The following FHIT variants were observed in gnomAD, a reference collection of about 807,000 sequenced individuals.
The protein encoded by FHIT is fragile histidine triad diadenosine triphosphatase.
A neutral mutation model predicts 17.9 loss-of-function variants in FHIT; 19 were observed. The observed-to-expected ratio is 1.06, with a 90% CI of 0.74 to 1.56. The LOEUF is 1.56. Ranked by LOEUF, FHIT falls within the 40% of genes most tolerant of loss-of-function variation. The probability of loss-of-function intolerance (pLI) is 0.00; values close to 1 mark genes in which losing one functional copy is unlikely to be tolerated. For missense variants in FHIT, 248 were observed against 189.2 expected (o/e 1.31, Z -1.82); for synonymous variants, 81 against 69.7 (o/e 1.16, Z -0.81).
intron 5 of FHIT, among the ~76,000 whole-genome samples, chr3:60,423,502 A>G (rs1197998934): frequency 1.3e-5 from 2 of 151,936 alleles, no homozygotes; most frequent in African/African-American, 4.8e-5. Context: ...TCTGATTGAT[A>G]TGAATGAGAT....
At chr3:60,526,683 G>A (rs2035587544) in intron 5 of FHIT, among the ~76,000 whole-genome samples, 1 of 152,198 alleles carries the variant, frequency 6.6e-6, no homozygotes, top group South Asian at 2.1e-4. Context: ...GCACTCTTGT[G>A]TGCTCATGTA....
intron 5 of FHIT, among the ~76,000 whole-genome samples, chr3:60,085,895 T>C (rs945972495): frequency 6.6e-6 from 1 of 152,216 alleles, no homozygotes; most frequent in African/African-American, 2.4e-5. Context: ...AGGTGGCTCC[T>C]CCTGTGAGAT....
At chr3:60,666,088 A>G (rs1449619509) in intron 4 of FHIT, among the ~76,000 whole-genome samples, 2 of 152,148 alleles carry the variant, frequency 1.3e-5, no homozygotes, top group Admixed American at 1.3e-4. Flanking sequence ...ATTGAGTATC[A>G]GATGGTATTA....
At chr3:60,456,143 TCAGCC>T (rs2107388907) in intron 5 of FHIT, among the ~76,000 whole-genome samples, 1 of 152,306 alleles carries the variant, frequency 6.6e-6, no homozygotes, top group Non-Finnish European at 1.5e-5. Flanking sequence ...CTGAATAATG[TCAGCC>T]CACAGATGGG....
At chr3:60,949,410 G>T (rs1708781796) in intron 3 of FHIT, among the ~76,000 whole-genome samples, 1 of 152,062 alleles carries the variant, frequency 6.6e-6, no homozygotes, top group Admixed American at 6.6e-5. Flanking sequence ...GACAACCTTT[G>T]TACAAAAAGA....
At chr3:60,019,625 T>C (rs1700478153) in intron 5 of FHIT, among the ~76,000 whole-genome samples, 1 of 151,984 alleles carries the variant, frequency 6.6e-6, no homozygotes, top group African/African-American at 2.4e-5. Flanking sequence ...TCCACGTTGG[T>C]CAGGCTGGTC....
At chr3:60,179,770 G>T (rs1004620714) in intron 5 of FHIT, among the ~76,000 whole-genome samples, 1 of 152,106 alleles carries the variant, frequency 6.6e-6, no homozygotes, top group South Asian at 2.1e-4. Context: ...CCCTGGTCTA[G>T]AACACTAAGG....
rs1276296111 is a variant in FHIT, at chr3:60,566,587, T to C, written c.-17-29608A>G. Among the ~76,000 whole-genome samples, 5 of 152,066 alleles carry C rather than the reference T, an allele frequency of 3.3e-5. No individual in the cohort carries two copies. In the East Asian group the frequency reaches 5.8e-4, roughly 18 times the overall value. ...CCTCTCTCACCACTCCTATTCAACA[T>C]AGTGTTGGAAGCTCTGGCCAGGGCA... On this transcript the variant is annotated intron_variant, in intron 4 of 9. Coordinates refer to ENST00000492590, the MANE Select transcript of FHIT (RefSeq NM_002012.4).
chr3:60,209,652 A>G (rs1703359439), intron 5 of FHIT, among the ~76,000 whole-genome samples: 1 of 152,168 alleles, frequency 6.6e-6, no homozygotes, highest in African/African-American at 2.4e-5. Context: ...AAACCATTCA[A>G]TAGGGCTTTT....
At chr3:60,228,120 A>G (rs908540951) in intron 5 of FHIT, among the ~76,000 whole-genome samples, 1 of 152,182 alleles carries the variant, frequency 6.6e-6, no homozygotes, top group Non-Finnish European at 1.5e-5. Flanking sequence ...CAACAATAAT[A>G]CAAGCTTTTA....
intron 5 of FHIT, among the ~76,000 whole-genome samples, chr3:60,090,006 A>G (rs1456999273): frequency 6.6e-6 from 1 of 152,196 alleles, no homozygotes. Context: ...ACTGTGTTCC[A>G]GGCATTGATC....
intron 2 of FHIT, among the ~76,000 whole-genome samples, chr3:61,127,955 G>C (rs1015401586): frequency 3.3e-5 from 5 of 152,164 alleles, no homozygotes; most frequent in African/African-American, 1.2e-4. Context: ...TTTATGGTTT[G>C]TTGATTTTAA....
intron 3 of FHIT, among the ~76,000 whole-genome samples, chr3:61,037,022 C>A (rs901518862): frequency 7.2e-5 from 11 of 151,850 alleles, no homozygotes; most frequent in African/African-American, 2.7e-4. Context: ...CGCCACTCTA[C>A]TGCCTCAGCC....
intron 3 of FHIT, among the ~76,000 whole-genome samples, chr3:61,039,222 T>C (rs2033391027): frequency 6.6e-6 from 1 of 152,142 alleles, no homozygotes; most frequent in Non-Finnish European, 1.5e-5. Context: ...TAGCTCCTAC[T>C]ACTGTTGCTA....
chr3:60,230,092 A>G (rs1704419029), intron 5 of FHIT, among the ~76,000 whole-genome samples: 1 of 152,200 alleles, frequency 6.6e-6, no homozygotes, highest in Non-Finnish European at 1.5e-5. Flanking sequence ...CACTAGCCAC[A>G]TGTAGCTAAA....
chr3:60,691,266 C>T (rs1263985040), intron 4 of FHIT, among the ~76,000 whole-genome samples: 1 of 151,872 alleles, frequency 6.6e-6, no homozygotes, highest in Non-Finnish European at 1.5e-5. Context: ...TCTATGATCT[C>T]TATTTTCTAT....
intron 5 of FHIT, among the ~76,000 whole-genome samples, chr3:60,455,044 A>T (rs1456394358): frequency 6.6e-6 from 1 of 152,096 alleles, no homozygotes; most frequent in Non-Finnish European, 1.5e-5. Context: ...GTACCTTGAG[A>T]ATATATATAT....
At chr3:60,866,483 C>T (rs1704165893) in intron 3 of FHIT, among the ~76,000 whole-genome samples, 2 of 152,142 alleles carry the variant, frequency 1.3e-5, no homozygotes, top group South Asian at 2.1e-4. Context: ...CCCACCAATA[C>T]TCTCCATCAA....
At chr3:61,058,961 A>C (rs17064394) in intron 2 of FHIT, among the ~76,000 whole-genome samples, 11,588 of 152,208 alleles carry the variant, frequency 0.076, 1,287 homozygotes, top group African/African-American at 0.25. Context: ...AATCACCACA[A>C]GACTCTACTC....
Sources: gnomAD v4.1 joint callset for allele counts (sites outside exome capture counted in the v4.1 genomes callset) on GRCh38, gnomAD v4.1.1 for gene constraint, MANE v1.5 for transcripts, NCBI Gene and HGNC (gene_info 2026-07-23, HGNC 2026-07-21) for gene names.